The following USP9X variants were observed in gnomAD, a reference collection of about 807,000 sequenced individuals.
USP9X encodes the protein ubiquitin specific peptidase 9 X-linked.
In USP9X, 7 loss-of-function variants were observed where a neutral mutation model predicts 190.3. The observed-to-expected ratio is 0.04, with a 90% confidence interval of 0.02 to 0.07. USP9X has a LOEUF of 0.07. Ranked by LOEUF, USP9X falls within the 10% of genes least tolerant of loss-of-function variation. The pLI, the probability that USP9X is intolerant of heterozygous loss-of-function variation, is 1.00. For missense variants in USP9X, 1,010 were observed against 1,916.9 expected, an observed-to-expected ratio of 0.53 and a Z score of 8.83; for synonymous variants, 645 against 659.5, an observed-to-expected ratio of 0.98 and a Z score of 0.34.
At chrX:41,227,373 A>G (rs1361642887) in intron 41 of USP9X, among the ~76,000 whole-genome samples, 1 of 112,056 alleles carries the variant, frequency 8.9e-6, no homozygotes, top group East Asian at 2.8e-4. Flanking sequence ...AAAGCAATTT[A>G]TATGTAGTGT....
At chrX:41,143,581 C>A in intron 10 of USP9X, 138 bp downstream of exon 10, 1 of 439,445 alleles carries the variant, frequency 2.3e-6, no homozygotes, top group Non-Finnish European at 3.5e-6. Context: ...GTTACCCTGC[C>A]AGGAATCTTT....
chrX:41,152,312 C>T (rs1026681936), intron 13 of USP9X, among the ~76,000 whole-genome samples: 5 of 111,896 alleles, frequency 4.5e-5, no homozygotes, highest in Non-Finnish European at 7.5e-5. Context: ...ATTTATCTTT[C>T]GAAGTAGACA....
At chrX:41,161,581 C>A (rs1218967003) in intron 14 of USP9X, among the ~76,000 whole-genome samples, 1 of 102,691 alleles carries the variant, frequency 9.7e-6, no homozygotes, top group African/African-American at 3.6e-5. Flanking sequence ...GGTAATCCGC[C>A]TGCCTTGCCA....
At chrX:41,168,356 A>G in intron 18 of USP9X, 138 bp downstream of exon 18, 2 of 532,947 alleles carry the variant, frequency 3.8e-6, no homozygotes, top group Non-Finnish European at 5.5e-6. Context: ...CATTTCATCT[A>G]ATTTTTTTTA....
chrX:41,217,744 C>G (rs1019698327), intron 36 of USP9X, among the ~76,000 whole-genome samples: 3 of 110,872 alleles, frequency 2.7e-5, no homozygotes, highest in African/African-American at 9.8e-5. Flanking sequence ...TTAAAAATTA[C>G]CCAAGTATGG....
chrX:41,139,480 G>A (rs961158061), intron 6 of USP9X, among the ~76,000 whole-genome samples: 3 of 111,932 alleles, frequency 2.7e-5, no homozygotes, highest in Admixed American at 1.9e-4. Flanking sequence ...GGCCAACATG[G>A]TGAAACCCCA....
At chrX:41,096,810 A>G (rs949525326) in intron 1 of USP9X, among the ~76,000 whole-genome samples, 3 of 112,002 alleles carry the variant, frequency 2.7e-5, no homozygotes, top group East Asian at 5.5e-4. Context: ...TTGGGTCTTC[A>G]TGACTCTGTA....
chrX:41,205,887 C>CTTTTTCT (rs2063088815), intron 32 of USP9X, among the ~76,000 whole-genome samples: 2 of 87,147 alleles, frequency 2.3e-5, no homozygotes, highest in Admixed American at 1.3e-4. Context: ...TTTTCTTTTT[C>CTTTTTCT]TTTTTTTCTT....
At chrX:41,164,199 G>A (rs1159653046) in intron 15 of USP9X, among the ~76,000 whole-genome samples, 1 of 111,470 alleles carries the variant, frequency 9.0e-6, no homozygotes, top group Non-Finnish European at 1.9e-5. Context: ...ATTCTGGGTA[G>A]TTTTGTCCTG....
intron 32 of USP9X, 43 bp from the exon 33 acceptor site, chrX:41,210,466 G>T: frequency 4.3e-6 from 5 of 1,174,706 alleles, no homozygotes; most frequent in Non-Finnish European, 5.8e-6. Context: ...ATATTGTTCT[G>T]TGAATGTTAC....
chrX:41,122,667 T>C (rs1384042800), intron 1 of USP9X, among the ~76,000 whole-genome samples: 1 of 111,988 alleles, frequency 8.9e-6, no homozygotes, highest in Non-Finnish European at 1.9e-5. Flanking sequence ...GAAGAGTCAG[T>C]GTGACAGCCT....
rs772939772 is a variant in USP9X, at chrX:41,205,581, A to C, written c.5015+88A>C. On this transcript the variant is annotated intron_variant, in intron 32 of 44. Transcript: ENST00000378308. Reference sequence around the variant, plus strand: ...TTAAACCTCTAAAAGACATGTTGGAAGGCATCTTTTTTTAAGCACTGGTAA... The same window carrying C: ...TTAAACCTCTAAAAGACATGTTGGACGGCATCTTTTTTTAAGCACTGGTAA... 194 of 900,846 alleles carry C rather than the reference A, an allele frequency of 2.2e-4. 2 individuals are homozygous for C. In the South Asian group the frequency reaches 5.9e-3, roughly 28 times the overall value. 74.2% of individuals were successfully genotyped at this position (900,846 alleles called of 1,213,427 possible).
rs4292863 is a variant in USP9X at position 41,085,912 on chromosome X, G to T, written c.-356G>T. On this transcript the variant is annotated 5_prime_UTR_variant, in exon 1 of 45. Coordinates refer to ENST00000378308, the MANE Select transcript of USP9X (RefSeq NM_001039591.3). The stretch of plus-strand genomic sequence containing the variant: ...GGCGCGGCGAGGAGCGAGTTCCGGC[G>T]CCGGTGTGCAGCCTTTTGGTTGAGA... 1 of 296,924 alleles carries T rather than the reference G, an allele frequency of 3.4e-6. No individual in the cohort carries two copies. The highest frequency in any genetic ancestry group is 2.7e-5 in the African/African-American group (1 of 36,480). The allele number at this position is 296,924 out of a possible 1,213,427, so 24.5% of individuals were successfully genotyped here. A position where few individuals can be genotyped will look rare whatever the true frequency, so the allele number is the denominator to read the frequency against.
chrX:41,101,599 C>T (rs1569148311), intron 1 of USP9X, among the ~76,000 whole-genome samples: 1 of 110,464 alleles, frequency 9.1e-6, no homozygotes, highest in Admixed American at 9.7e-5. Flanking sequence ...TATAGGCGCC[C>T]GCCACCACGC....
At chrX:41,115,823 T>C (rs753941215) in intron 1 of USP9X, among the ~76,000 whole-genome samples, 2 of 112,037 alleles carry the variant, frequency 1.8e-5, no homozygotes, top group South Asian at 7.4e-4. Context: ...TAGGATCATA[T>C]GTAGAATCAG....
chrX:41,208,665 G>C (rs766240490), intron 32 of USP9X, among the ~76,000 whole-genome samples: 6 of 110,711 alleles, frequency 5.4e-5, no homozygotes, highest in Non-Finnish European at 9.5e-5. Context: ...ATGTGTGCTT[G>C]GTTTTTGGTT....
chrX:41,100,626 C>T lies in USP9X; in HGVS notation c.-159+14517C>T, dbSNP rs1237324091. On this transcript the variant is annotated intron_variant, in intron 1 of 44. Coordinates refer to ENST00000378308, the MANE Select transcript of USP9X (RefSeq NM_001039591.3). ...AGCTAAAAGGGCCCTTAGCATGCAA[C>T]TCTCTTATTTTTTATTTATTTAAAA... Among the ~76,000 whole-genome samples, 4 of 111,227 alleles carry T rather than the reference C, an allele frequency of 3.6e-5. No homozygotes were observed. In the East Asian group the frequency reaches 1.1e-3, roughly 31 times the overall value.
chrX:41,199,401 CTTTAT>C (rs1373435319), intron 30 of USP9X, among the ~76,000 whole-genome samples: 3 of 110,639 alleles, frequency 2.7e-5, no homozygotes, highest in Non-Finnish European at 3.8e-5. Flanking sequence ...AGACGTAAAA[CTTTAT>C]TTTATTTATT....
Position 41,184,027 on chromosome X carries a change from A to G in USP9X, c.3178A>G (p.Ile1060Val), listed in dbSNP as rs962043888. 2.5e-6 allele frequency: 3 copies of G among 1,202,233 alleles called. No homozygotes were observed. The highest frequency in any genetic ancestry group is 3.5e-5 in the African/African-American group (2 of 56,744). ...CACAACGATAGAAAAATTAAGAGCTATTTGTTTAGACCATGCCAAACTTGG... is the reference window on the plus strand; with the variant it reads ...CACAACGATAGAAAAATTAAGAGCTGTTTGTTTAGACCATGCCAAACTTGG... ...DSTTIEKLRA[I>V]CLDHAKLGES... The change falls in exon 22 of 45, where the codon ATT (isoleucine) becomes GTT (valine). Residue 1060 changes from isoleucine to valine, a missense_variant. This residue lies in a region of USP9X where 351 missense variants were observed against 480.8 expected (regional missense o/e 0.73). Coordinates refer to ENST00000378308, the MANE Select transcript of USP9X (RefSeq NM_001039591.3).
Sources: gnomAD v4.1 joint callset for allele counts (sites outside exome capture counted in the v4.1 genomes callset) on GRCh38, gnomAD v4.1.1 for gene constraint, gnomAD v4.1.1 regional missense constraint, MANE v1.5 for transcripts, NCBI Gene and HGNC (gene_info 2026-07-23, HGNC 2026-07-21) for gene names.